The following EEPD1 variants were observed in gnomAD, a reference collection of about 807,000 sequenced individuals.
The protein encoded by EEPD1 is endonuclease/exonuclease/phosphatase family domain containing 1, also known as endonuclease/exonuclease/phosphatase family domain-containing protein 1.
In EEPD1, 17 loss-of-function variants were observed where a neutral mutation model predicts 46.3. That is an observed-to-expected ratio of 0.37 (90% CI 0.25 to 0.55). The LOEUF is 0.55. EEPD1 is among the 20% of genes least tolerant of loss of function. EEPD1 has a pLI of 0.83. For synonymous variants in EEPD1, 313 were observed against 315.6 expected (o/e 0.99, Z 0.09); for missense variants, 673 against 745.6 (o/e 0.90, Z 1.13).
At chr7:36,180,120 C>T (rs1327402528) in intron 2 of EEPD1, among the ~76,000 whole-genome samples, 8 of 152,216 alleles carry the variant, frequency 5.3e-5, no homozygotes, top group African/African-American at 1.9e-4. Flanking sequence ...TCTAAGAAGA[C>T]TCTTTCCACC....
At chr7:36,168,342 A>G (rs1562671575) in intron 2 of EEPD1, among the ~76,000 whole-genome samples, 1 of 152,254 alleles carries the variant, frequency 6.6e-6, no homozygotes, top group East Asian at 1.9e-4. Context: ...CTTAAAGAAT[A>G]TAAGCTGACT....
In EEPD1 at chr7:36,287,579, C is replaced by T. The variant is rs935562130; in HGVS notation, c.1177-60C>T. The T allele has an allele frequency of 1.8e-5, 29 of 1,576,100 alleles. 1 individual carries two copies. The South Asian group carries it at 2.0e-4, about 11-fold the overall frequency. ...AAAGCTATTTATGAGTCGGTTGTAA[C>T]GGATACAGGAAATATGAGCTTCTGA... On this transcript the variant is annotated intron_variant, in intron 5 of 7. Coordinates refer to ENST00000242108, the MANE Select transcript of EEPD1 (RefSeq NM_030636.3).
chr7:36,234,854 C>G (rs925396259), intron 2 of EEPD1, among the ~76,000 whole-genome samples: 2 of 151,978 alleles, frequency 1.3e-5, no homozygotes, highest in Non-Finnish European at 2.9e-5. Flanking sequence ...ACTCCCTAAA[C>G]AGCCCCTTGG....
chr7:36,190,755 ACT>A (rs1785447762), intron 2 of EEPD1, among the ~76,000 whole-genome samples: 4 of 152,030 alleles, frequency 2.6e-5, no homozygotes, highest in African/African-American at 7.3e-5. Context: ...AAAACAAATG[ACT>A]CTTTCAAAGT....
intron 2 of EEPD1, among the ~76,000 whole-genome samples, chr7:36,208,119 G>C (rs1469179072): frequency 6.6e-6 from 1 of 152,122 alleles, no homozygotes. Context: ...GTCTGCCTGG[G>C]CCTGGGCCAA....
intron 2 of EEPD1, among the ~76,000 whole-genome samples, chr7:36,200,000 G>A (rs1361808078): frequency 1.3e-5 from 2 of 152,092 alleles, no homozygotes; most frequent in Non-Finnish European, 2.9e-5. Flanking sequence ...TAGGTTCAGG[G>A]GTACATGTGC....
chr7:36,301,496 A>G lies in EEPD1; in HGVS notation c.*2290A>G, dbSNP rs982764718. 6 of 152,224 alleles carry G rather than the reference A, an allele frequency of 3.9e-5. No individual in the cohort carries two copies. The highest frequency in any genetic ancestry group is 1.4e-4 in the African/African-American group (6 of 41,448). The allele number at this position is 152,224 out of a possible 1,614,324, so 9.4% of individuals were successfully genotyped here. A position where few individuals can be genotyped will look rare whatever the true frequency, so the allele number is the denominator to read the frequency against. ...TGAACTTGTATTCATTATTAGCTAC[A>G]GTGTTCATAGTTTATATTAAAGTTC... On this transcript the variant is annotated 3_prime_UTR_variant, in exon 8 of 8. Coordinates refer to ENST00000242108, the MANE Select transcript of EEPD1 (RefSeq NM_030636.3).
chr7:36,210,033 T>C (rs1047125696), intron 2 of EEPD1, among the ~76,000 whole-genome samples: 2 of 151,782 alleles, frequency 1.3e-5, no homozygotes, highest in Non-Finnish European at 2.9e-5. Context: ...GGAGAGGACG[T>C]TGAGGCAGGT....
chr7:36,213,405 T>A lies in EEPD1; in HGVS notation c.879-25580T>A, dbSNP rs1583812576. ...TGCTTGGAAAGTCTCATTTACCATGTTGAGTTTGAAGTTCCTGCGAGGCAC... is the reference window on the plus strand; with the variant it reads ...TGCTTGGAAAGTCTCATTTACCATGATGAGTTTGAAGTTCCTGCGAGGCAC... On this transcript the variant is annotated intron_variant, in intron 2 of 7. Transcript: ENST00000242108. Among the ~76,000 whole-genome samples the A allele has an allele frequency of 3.3e-5, 5 of 152,168 alleles. 1 individual carries two copies. Among genetic ancestry groups the A allele is most frequent in the Admixed American group, 3.3e-4 (5 of 15,284 alleles).
intron 2 of EEPD1, among the ~76,000 whole-genome samples, chr7:36,170,281 T>C (rs1785054957): frequency 6.6e-6 from 1 of 152,034 alleles, no homozygotes; most frequent in Admixed American, 6.6e-5. Context: ...TGGTGGCGCA[T>C]GTCTGTAATC....
intron 2 of EEPD1, among the ~76,000 whole-genome samples, chr7:36,165,735 C>A (rs2039483169): frequency 6.6e-6 from 1 of 151,854 alleles, no homozygotes; most frequent in African/African-American, 2.4e-5. Context: ...CCATGCCCGG[C>A]CCTAATGATC....
At position 36,219,800 on chromosome 7, in the gene EEPD1, A is replaced by AGTGT. The variant is rs1476592033; in HGVS notation, c.879-19184_879-19183insTGTG. On this transcript the variant is annotated intron_variant, in intron 2 of 7. Coordinates refer to ENST00000242108, the MANE Select transcript of EEPD1 (RefSeq NM_030636.3). ...AAGAGAGAGAGAGAGAGAGAGAGAG[A>AGTGT]GAGAGAGTGTGTGTGTGTGTGTGTG... Among the ~76,000 whole-genome samples the AGTGT allele has an allele frequency of 7.7e-3, 509 of 66,508 alleles. 3 individuals carry two copies. The highest frequency in any genetic ancestry group is 9.3e-3 in the Middle Eastern group (1 of 108). The allele number at this position is 66,508 out of a possible 152,430, so 43.6% of individuals were successfully genotyped here. A position where few individuals can be genotyped will look rare whatever the true frequency, so the allele number is the denominator to read the frequency against.
intron 2 of EEPD1, among the ~76,000 whole-genome samples, chr7:36,163,196 C>T (rs1784928409): frequency 6.7e-6 from 1 of 149,426 alleles, no homozygotes; most frequent in African/African-American, 2.5e-5. Flanking sequence ...CTCAGGGCTC[C>T]TTCCTTCCTT....
intron 2 of EEPD1, among the ~76,000 whole-genome samples, chr7:36,157,805 G>A (rs1254221060): frequency 6.6e-6 from 1 of 152,140 alleles, no homozygotes; most frequent in Admixed American, 6.5e-5. Context: ...CTGTCCTAGG[G>A]TATCAAAAGC....
rs181978988 is a variant in EEPD1, at chr7:36,281,968, G to T, written c.1041+743G>T. Among the ~76,000 whole-genome samples the T allele has an allele frequency of 8.5e-4, 130 of 152,198 alleles. 1 individual carries two copies. Among genetic ancestry groups the T allele is most frequent in the East Asian group, 1.9e-4 (1 of 5,188 alleles). Reference sequence around the variant, plus strand: ...TTAATATGATTATGTTTATAATGTAGGCTCTTAAATCATAAATGTATACTG... The same window carrying T: ...TTAATATGATTATGTTTATAATGTATGCTCTTAAATCATAAATGTATACTG... On this transcript the variant is annotated intron_variant, in intron 4 of 7. Transcript: ENST00000242108.
At chr7:36,178,083 G>A (rs1450697699) in intron 2 of EEPD1, among the ~76,000 whole-genome samples, 1 of 152,164 alleles carries the variant, frequency 6.6e-6, no homozygotes, top group Non-Finnish European at 1.5e-5. Context: ...AGTCATTTAA[G>A]CCCTCAGGGC....
chr7:36,221,289 C>T (rs1044290467), intron 2 of EEPD1, among the ~76,000 whole-genome samples: 1 of 152,194 alleles, frequency 6.6e-6, no homozygotes, highest in African/African-American at 2.4e-5. Context: ...ATGAATGTTA[C>T]AGCTTTGAAA....
chr7:36,156,649 G>A (rs1259879180), intron 2 of EEPD1, among the ~76,000 whole-genome samples: 1 of 152,178 alleles, frequency 6.6e-6, no homozygotes, highest in Non-Finnish European at 1.5e-5. Context: ...AGTTGGTCCA[G>A]TGGGACTGAC....
chr7:36,166,447 G>C (rs773735176), intron 2 of EEPD1, among the ~76,000 whole-genome samples: 6 of 152,186 alleles, frequency 3.9e-5, no homozygotes, highest in Non-Finnish European at 8.8e-5. Context: ...GAGGCCAGGA[G>C]AAGTGGCTCA....
Sources: allele counts gnomAD v4.1 joint callset (sites outside exome capture counted in the v4.1 genomes callset), GRCh38; gene constraint gnomAD v4.1.1; transcripts MANE v1.5; gene names NCBI Gene and HGNC (gene_info 2026-07-23, HGNC 2026-07-21).